KRT12: variants seen among roughly 807,000 people sequenced by gnomAD.
KRT12 encodes keratin 12.
Under a neutral mutation model 50.2 loss-of-function variants are expected in KRT12, and 43 were observed. The observed-to-expected ratio is 0.86, with a 90% CI of 0.67 to 1.11. The LOEUF is 1.11. KRT12 is among the 50% of genes least tolerant of loss of function. KRT12 has a pLI of 0.00. For synonymous variants in KRT12, 257 were observed against 253.6 expected (o/e 1.01, Z -0.13); for missense variants, 588 against 625.6 (o/e 0.94, Z 0.64).
rs780659576 is a variant in KRT12 at position 40,863,710 on chromosome 17, A to G, written c.962T>C (p.Ile321Thr). Reference protein sequence around the residue: ...QNRKDAEAWFIEKSGELRKEI... With the variant: ...QNRKDAEAWFTEKSGELRKEI... Reference sequence around the variant, plus strand: ...CTTTGTTGTTTGTGTTACCTTTTCAATGAACCAGGCTTCAGCGTCCTTCCG... The same window carrying G: ...CTTTGTTGTTTGTGTTACCTTTTCAGTGAACCAGGCTTCAGCGTCCTTCCG... The change falls in exon 4 of 8, where the codon ATT (isoleucine) becomes ACT (threonine). Residue 321 changes from isoleucine (I) to threonine (T), a missense_variant. Ile to Thr is a moderately conservative substitution (Grantham distance 89). Transcript: ENST00000251643. The surrounding 1 kb of genome is among the most constrained non-coding windows in gnomAD (Gnocchi z 4.2). 4 of 1,614,024 alleles carry G rather than the reference A, an allele frequency of 2.5e-6. No individual in the cohort carries two copies. The highest frequency in any genetic ancestry group is 3.4e-6 in the Non-Finnish European group (4 of 1,180,038).
chr17:40,864,885 G>C lies in KRT12; in HGVS notation c.728C>G (p.Thr243Ser). ...NGLRRVLDEL[T>S]LTRTDLEMQI... The stretch of plus-strand genomic sequence containing the variant: ...CATCTCCAGGTCGGTCCTGGTCAGG[G>C]TCAGCTCGTCCAGCACCCGGCGCAG... The change falls in exon 3 of 8, where the codon ACC (threonine) becomes AGC (serine). Residue 243 changes from threonine (T) to serine (S), a missense_variant. By Grantham distance (58) the Thr-to-Ser change is moderately conservative. Transcript: ENST00000251643. The C allele has an allele frequency of 6.2e-7, 1 of 1,614,244 alleles. No individual in the cohort carries two copies.
rs1453196277 is a variant in KRT12 at position 40,867,217 on chromosome 17, G to C, written c.-31C>G. On this transcript the variant is annotated 5_prime_UTR_variant, in exon 1 of 8. Coordinates refer to ENST00000251643, the MANE Select transcript of KRT12 (RefSeq NM_000223.4). Reference sequence around the variant, plus strand: ...GGGGAAGGTGGCCACAACTGGAGAGGAAGTTGTGCCAGCAAGCCAGAAAGC... The same window carrying C: ...GGGGAAGGTGGCCACAACTGGAGAGCAAGTTGTGCCAGCAAGCCAGAAAGC... The C allele has an allele frequency of 1.9e-6, 3 of 1,582,078 alleles. No individual in the cohort carries two copies. The highest frequency in any genetic ancestry group is 2.6e-6 in the Non-Finnish European group (3 of 1,162,616).
intron 1 of KRT12, 84 bp downstream of exon 1, chr17:40,866,536 G>T: frequency 8.2e-7 from 1 of 1,213,596 alleles, no homozygotes; most frequent in Admixed American, 1.8e-5. Context: ...AAATATCAAA[G>T]TTGTAGGTGA....
chr17:40,864,922 C>T lies in KRT12; in HGVS notation c.691G>A (p.Asp231Asn), dbSNP rs1318203783. Residue 231 changes from aspartate (D) to asparagine (N), a missense_variant, in exon 3 of 8, where the codon GAC (aspartate) becomes AAC (asparagine). Coordinates refer to ENST00000251643, the MANE Select transcript of KRT12 (RefSeq NM_000223.4). ...AGCACCCGGCGCAGGCCATTGATGT[C>T]GGCCTCTACGCCCTGGCGCAGGGCC... The part of the protein sequence containing the change: ...ELALRQGVEA[D>N]INGLRRVLDE... The T allele has an allele frequency of 1.1e-5, 18 of 1,614,112 alleles. No individual in the cohort carries two copies. The highest frequency in any genetic ancestry group is 1.4e-5 in the Non-Finnish European group (16 of 1,180,026).
chr17:40,864,962 C>G lies in KRT12; in HGVS notation c.651G>C (p.Lys217Asn). 1 of 1,614,248 alleles carries G rather than the reference C, an allele frequency of 6.2e-7. No individual in the cohort carries two copies. Among genetic ancestry groups the G allele is most frequent in the Non-Finnish European group, 8.5e-7 (1 of 1,180,042 alleles). ...ARLAAEDFRM[K>N]YENELALRQG... ...GGCGCAGGGCCAGTTCATTCTCATACCTGAAAACCAAGTGCAAAGCAGTTG... is the reference window on the plus strand; with the variant it reads ...GGCGCAGGGCCAGTTCATTCTCATAGCTGAAAACCAAGTGCAAAGCAGTTG... The change falls in exon 3 of 8, where the codon AAG becomes AAC. Residue 217 changes from lysine to asparagine, a missense_variant and splice_region_variant. By Grantham distance (94) the Lys-to-Asn change is moderately conservative. Transcript: ENST00000251643.
chr17:40,866,672 G>A lies in KRT12; in HGVS notation c.515C>T (p.Ser172Leu). The A allele has an allele frequency of 6.2e-7, 1 of 1,614,140 alleles. No individual in the cohort carries two copies. Among genetic ancestry groups the A allele is most frequent in the Non-Finnish European group, 8.5e-7 (1 of 1,180,016 alleles). The change falls in exon 1 of 8, where the codon TCA becomes TTA. Residue 172 changes from serine (S) to leucine (L), a missense_variant. By Grantham distance (145) the Ser-to-Leu change is moderately radical (BLOSUM62 -2). Transcript: ENST00000251643. Reference protein sequence around the residue: ...ETRGTGTADASQSDYSKYYPL... With the variant: ...ETRGTGTADALQSDYSKYYPL... ...ATAATATTTGCTGTAATCGCTCTGTGAAGCATCTGCAGTCCCAGTTCCTCG... is the reference window on the plus strand; with the variant it reads ...ATAATATTTGCTGTAATCGCTCTGTAAAGCATCTGCAGTCCCAGTTCCTCG...
Position 40,866,833 on chromosome 17 carries a change from T to G in KRT12, c.354A>C (p.Gly118=). 1 of 1,614,160 alleles carries G rather than the reference T, an allele frequency of 6.2e-7. No individual in the cohort carries two copies. The highest frequency in any genetic ancestry group is 8.5e-7 in the Non-Finnish European group (1 of 1,180,028). The change falls in exon 1 of 8, where the codon GGA becomes GGC. Residue 118 remains glycine, a synonymous_variant. Transcript: ENST00000251643. Reference sequence around the variant, plus strand: ...CTTTTTCTGATCCAGAAAGAAGGCCTCCATCATTGCCCGAGAGAATACCTA... The same window carrying G: ...CTTTTTCTGATCCAGAAAGAAGGCCGCCATCATTGCCCGAGAGAATACCTA... The part of the protein sequence containing the change: ...GSLGILSGND[G]GLLSGSEKET...
chr17:40,864,923 G>A lies in KRT12; in HGVS notation c.690C>T (p.Ala230=), dbSNP rs145069399. 3.7e-5 allele frequency: 59 copies of A among 1,614,210 alleles called. No homozygotes were observed. In the African/African-American group the frequency reaches 6.1e-4, roughly 17 times the overall value. The change falls in exon 3 of 8, where the codon GCC becomes GCT. Residue 230 remains alanine, a synonymous_variant. Transcript: ENST00000251643. ...GCACCCGGCGCAGGCCATTGATGTCGGCCTCTACGCCCTGGCGCAGGGCCA... is the reference window on the plus strand; with the variant it reads ...GCACCCGGCGCAGGCCATTGATGTCAGCCTCTACGCCCTGGCGCAGGGCCA... ...NELALRQGVE[A]DINGLRRVLD...
At position 40,867,197 on chromosome 17, in the gene KRT12, A is replaced by G. The variant is rs1169678404; in HGVS notation, c.-11T>C. ...GTTGGAGAGATCCATGGCCTGGGGAAGGTGGCCACAACTGGAGAGGAAGTT... is the reference window on the plus strand; with the variant it reads ...GTTGGAGAGATCCATGGCCTGGGGAGGGTGGCCACAACTGGAGAGGAAGTT... On this transcript the variant is annotated 5_prime_UTR_variant, in exon 1 of 8. Coordinates refer to ENST00000251643, the MANE Select transcript of KRT12 (RefSeq NM_000223.4). The G allele has an allele frequency of 1.2e-6, 2 of 1,602,056 alleles. No individual in the cohort carries two copies. Among genetic ancestry groups the G allele is most frequent in the Non-Finnish European group, 1.7e-6 (2 of 1,179,100 alleles).
chr17:40,863,913 T>C lies in KRT12; in HGVS notation c.808-49A>G. On this transcript the variant is annotated intron_variant, in intron 3 of 7. Transcript: ENST00000251643. The surrounding 1 kb of genome is among the most constrained non-coding windows in gnomAD (Gnocchi z 4.2). ...GGGGCACAGGGGTCCATTGTGACTTTCGTGGGCCCTGGATACTTTTGTCCT... is the reference window on the plus strand; with the variant it reads ...GGGGCACAGGGGTCCATTGTGACTTCCGTGGGCCCTGGATACTTTTGTCCT... 5 of 1,450,536 alleles carry C rather than the reference T, an allele frequency of 3.4e-6. No individual in the cohort carries two copies. The highest frequency in any genetic ancestry group is 4.6e-6 in the Non-Finnish European group (5 of 1,090,198). The allele number at this position is 1,450,536 out of a possible 1,614,324, so 89.9% of individuals were successfully genotyped here. A position where few individuals can be genotyped will look rare whatever the true frequency, so the allele number is the denominator to read the frequency against.
At position 40,866,979 on chromosome 17, in the gene KRT12, C is replaced by A. The variant is rs1467795002; in HGVS notation, c.208G>T (p.Gly70Trp). Reference protein sequence around the residue: ...ASMFGSSSGFGGGSGSSMAGG... With the variant: ...ASMFGSSSGFWGGSGSSMAGG... ...GCCATGGAACTTCCGGAGCCACCCC[C>A]AAAGCCGGAACTAGAACCAAACATG... The change falls in exon 1 of 8, where the codon GGG becomes TGG. Residue 70 changes from glycine (G) to tryptophan (W), a missense_variant. Coordinates refer to ENST00000251643, the MANE Select transcript of KRT12 (RefSeq NM_000223.4). The A allele has an allele frequency of 1.9e-6, 3 of 1,597,954 alleles. No homozygotes were observed. The highest frequency in any genetic ancestry group is 2.3e-5 in the South Asian group (2 of 88,562).
chr17:40,864,603 C>T (rs1448182452), intron 3 of KRT12, among the ~76,000 whole-genome samples: 1 of 152,030 alleles, frequency 6.6e-6, no homozygotes, highest in Non-Finnish European at 1.5e-5. Flanking sequence ...CAGGAACCAC[C>T]ATCACTACTA....
Position 40,863,629 on chromosome 17 carries a change from C to T in KRT12, c.970-19G>A. 6.2e-7 allele frequency: 1 copy of T among 1,614,208 alleles called. No homozygotes were observed. The highest frequency in any genetic ancestry group is 8.5e-7 in the Non-Finnish European group (1 of 1,180,038). On this transcript the variant is annotated intron_variant, in intron 4 of 7. Coordinates refer to ENST00000251643, the MANE Select transcript of KRT12 (RefSeq NM_000223.4). This position sits in a 1 kb window ranked among gnomAD's most constrained non-coding sequence, Gnocchi z 4.2. ...CCCCGCTCTGCAACAGCAAAGACAG[C>T]CAGGGGGCTCGAGCGCTGAGCTCGT...
At chr17:40,866,522 T>A (rs921798088) in intron 1 of KRT12, 98 bp downstream of exon 1, 11 of 1,099,498 alleles carry the variant, frequency 1.0e-5, no homozygotes, top group Middle Eastern at 2.0e-4. Flanking sequence ...ACAGCTAAAT[T>A]GGAAAATATC....
rs757533907 is a variant in KRT12 at position 40,863,634 on chromosome 17, G to C, written c.970-24C>G. 2.5e-6 allele frequency: 4 copies of C among 1,614,096 alleles called. No homozygotes were observed. The African/African-American group carries it at 4.0e-5, about 16-fold the overall frequency. On this transcript the variant is annotated intron_variant, in intron 4 of 7. Transcript: ENST00000251643. The surrounding 1 kb of genome is among the most constrained non-coding windows in gnomAD (Gnocchi z 4.2). Reference sequence around the variant, plus strand: ...CTCTGCAACAGCAAAGACAGCCAGGGGGCTCGAGCGCTGAGCTCGTTCGCA... The same window carrying C: ...CTCTGCAACAGCAAAGACAGCCAGGCGGCTCGAGCGCTGAGCTCGTTCGCA...
Position 40,863,766 on chromosome 17 carries a change from C to G in KRT12, c.906G>C (p.Arg302=). 1 of 1,613,158 alleles carries G rather than the reference C, an allele frequency of 6.2e-7. No homozygotes were observed. The highest frequency in any genetic ancestry group is 8.5e-7 in the Non-Finnish European group (1 of 1,180,030). Residue 302 remains arginine, a synonymous_variant, in exon 4 of 8, where the codon CGG becomes CGC. Transcript: ENST00000251643. This position sits in a 1 kb window ranked among gnomAD's most constrained non-coding sequence, Gnocchi z 4.2. ...VDLTRLLNDM[R]AQYETIAEQN... is the part of the protein sequence containing the mutation. The stretch of plus-strand genomic sequence containing the variant: ...GCTCAGCGATGGTTTCATACTGCGC[C>G]CGCATATCATTGAGGAGCCTGGTGA...
rs1907033929 is a variant in KRT12, at chr17:40,866,637, C to A, written c.550G>T (p.Glu184Ter). 6.2e-7 allele frequency: 1 copy of A among 1,613,958 alleles called. No individual in the cohort carries two copies. The change falls in exon 1 of 8, where the codon GAA becomes TAA. Residue 184 changes from glutamate to a stop codon, truncating the protein, a stop_gained. Transcript: ENST00000251643. LOFTEE classifies it high-confidence loss of function. ...GATCTTACCTTATTCCTGAGGTCTTCAATCAGTGGATAATATTTGCTGTAA... is the reference window on the plus strand; with the variant it reads ...GATCTTACCTTATTCCTGAGGTCTTAAATCAGTGGATAATATTTGCTGTAA... ...SDYSKYYPLIEDLRNKIISAS... is the reference protein window; with the variant it reads ...SDYSKYYPLI
At position 40,863,582 on chromosome 17, in the gene KRT12, G is replaced by C. The variant is rs1314950439; in HGVS notation, c.998C>G (p.Thr333Ser). The C allele has an allele frequency of 6.2e-7, 1 of 1,614,214 alleles. No homozygotes were observed. The highest frequency in any genetic ancestry group is 8.5e-7 in the Non-Finnish European group (1 of 1,180,042). The change falls in exon 5 of 8, where the codon ACC (threonine) becomes AGC (serine). Residue 333 changes from threonine (T) to serine (S), a missense_variant. Thr to Ser is a moderately conservative substitution (Grantham distance 58, BLOSUM62 1). Transcript: ENST00000251643. The surrounding 1 kb of genome is among the most constrained non-coding windows in gnomAD (Gnocchi z 4.2). ...GCTGGACTGAAGCTGCTCGGTGTTG[G>C]TGCTAATCTCCTTACGGAGCTCCCC... ...KSGELRKEIS[T>S]NTEQLQSSKS...
In KRT12 at chr17:40,867,085, A is replaced by C; in HGVS notation, c.102T>G (p.Ser34=). 6.2e-7 allele frequency: 1 copy of C among 1,613,676 alleles called. No homozygotes were observed. Residue 34 remains serine (S), a synonymous_variant, in exon 1 of 8, where the codon TCT becomes TCG. Transcript: ENST00000251643. The stretch of plus-strand genomic sequence containing the variant: ...CATAACCACTTCCAACACTGGAAGC[A>C]GACATGCCCCTGGGTCTGCCTATCA... ...QSVIGRPRGM[S]ASSVGSGYGG...
Sources: allele counts gnomAD v4.1 joint callset (sites outside exome capture counted in the v4.1 genomes callset), GRCh38; gene constraint gnomAD v4.1.1; non-coding constraint Gnocchi (gnomAD v3.1); transcripts MANE v1.5; gene names NCBI Gene and HGNC (gene_info 2026-07-23, HGNC 2026-07-21).